Variants in PDSS2 observed in about 807,000 individuals in gnomAD.
PDSS2 encodes all trans-polyprenyl-diphosphate synthase PDSS2.
Under a neutral mutation model 44.5 loss-of-function variants are expected in PDSS2, and 31 were observed. That is an observed-to-expected ratio of 0.70 (90% confidence interval 0.52 to 0.94). PDSS2 has a LOEUF of 0.94. Among genes scored for constraint, PDSS2 ranks in the 40% least tolerant of loss-of-function variants. PDSS2 has a pLI of 0.00. For missense variants in PDSS2, 452 were observed against 482.2 expected (o/e 0.94, Z 0.59); for synonymous variants, 157 against 180.3 (o/e 0.87, Z 1.03).
intron 3 of PDSS2, among the ~76,000 whole-genome samples, chr6:107,249,175 G>A (rs919334354): frequency 1.2e-4 from 18 of 152,302 alleles, no homozygotes; most frequent in Middle Eastern, 3.4e-3. Context: ...CAGTAAATAC[G>A]TAGAGCATTT....
intron 7 of PDSS2, among the ~76,000 whole-genome samples, chr6:107,172,943 G>A (rs1582734871): frequency 6.6e-6 from 1 of 152,012 alleles, no homozygotes; most frequent in African/African-American, 2.4e-5. Flanking sequence ...GGCCAACATG[G>A]TGAAACCCCT....
chr6:107,170,618 C>A (rs1410578910), intron 7 of PDSS2, among the ~76,000 whole-genome samples: 24 of 108,506 alleles, frequency 2.2e-4, no homozygotes, highest in African/African-American at 7.4e-4. Flanking sequence ...CCCCCCCCCC[C>A]CACTTTTTTT....
chr6:107,225,165 T>TATATATA (rs1562389540), intron 4 of PDSS2, among the ~76,000 whole-genome samples: 6,136 of 39,428 alleles, frequency 0.16, 439 homozygotes, highest in South Asian at 0.31. Flanking sequence ...ATATATATTT[T>TATATATA]TTTTTTTTTT....
At chr6:107,272,618 A>C (rs1238428765) in intron 3 of PDSS2, among the ~76,000 whole-genome samples, 2 of 152,226 alleles carry the variant, frequency 1.3e-5, no homozygotes, top group African/African-American at 4.8e-5. Context: ...AATCAAACCT[A>C]ATCCTAACTG....
Position 107,225,135 on chromosome 6 carries a change from TTTTA to T in PDSS2, c.703-12857_703-12854del, listed in dbSNP as rs749399962. Among the ~76,000 whole-genome samples the T allele has an allele frequency of 4.0e-3, 145 of 36,462 alleles. 18 individuals are homozygous for T. The East Asian group carries it at 0.041, about 10-fold the overall frequency. The allele number at this position is 36,462 out of a possible 152,430, so 23.9% of individuals were successfully genotyped here. The stretch of plus-strand genomic sequence containing the variant: ...GAAGGAAGCTTCACTATATATATAT[TTTTA>T]TATATATATATATATATATATATTT... On this transcript the variant is annotated intron_variant, in intron 4 of 7. Transcript: ENST00000369037.
intron 2 of PDSS2, among the ~76,000 whole-genome samples, chr6:107,274,890 C>T (rs1775727840): frequency 6.6e-6 from 1 of 152,082 alleles, no homozygotes; most frequent in South Asian, 2.1e-4. Flanking sequence ...CCAGGCTGGT[C>T]TTGAACTCCT....
intron 1 of PDSS2, among the ~76,000 whole-genome samples, chr6:107,424,678 AGAG>A (rs1021343116): frequency 7.2e-5 from 11 of 152,230 alleles, no homozygotes; most frequent in African/African-American, 2.7e-4. Flanking sequence ...AAATGTGAAA[AGAG>A]AATAAAATGA....
intron 2 of PDSS2, among the ~76,000 whole-genome samples, chr6:107,308,035 T>G (rs1449506324): frequency 6.6e-6 from 1 of 152,152 alleles, no homozygotes. Flanking sequence ...ACCAAATGGT[T>G]CACAAACCAA....
intron 2 of PDSS2, among the ~76,000 whole-genome samples, chr6:107,317,135 A>G (rs1364377346): frequency 6.6e-6 from 1 of 152,106 alleles, no homozygotes; most frequent in African/African-American, 2.4e-5. Context: ...AGTATGGCCA[A>G]CCTCTCCTCC....
At chr6:107,395,802 T>C (rs1779922659) in intron 1 of PDSS2, among the ~76,000 whole-genome samples, 1 of 152,226 alleles carries the variant, frequency 6.6e-6, no homozygotes, top group Non-Finnish European at 1.5e-5. Flanking sequence ...TTGACATGTC[T>C]AGTAATTTTT....
intron 1 of PDSS2, among the ~76,000 whole-genome samples, chr6:107,347,152 A>C (rs1461340943): frequency 1.3e-5 from 2 of 152,026 alleles, no homozygotes; most frequent in Non-Finnish European, 2.9e-5. Flanking sequence ...GAGGACCTGC[A>C]TGGGCCCAGC....
At chr6:107,303,517 C>T (rs1195022125) in intron 2 of PDSS2, among the ~76,000 whole-genome samples, 1 of 152,132 alleles carries the variant, frequency 6.6e-6, no homozygotes, top group Non-Finnish European at 1.5e-5. Flanking sequence ...ATAGCAAATG[C>T]TATGCATTTA....
chr6:107,189,023 C>T (rs1772276285), intron 7 of PDSS2, among the ~76,000 whole-genome samples: 1 of 152,158 alleles, frequency 6.6e-6, no homozygotes, highest in Non-Finnish European at 1.5e-5. Context: ...TGATCCTCTA[C>T]CTCAGGCTCC....
intron 1 of PDSS2, among the ~76,000 whole-genome samples, chr6:107,409,541 C>T (rs534686887): frequency 6.6e-6 from 1 of 152,280 alleles, no homozygotes; most frequent in South Asian, 2.1e-4. Context: ...AGACTAGCTA[C>T]TTCTCTCCAA....
intron 1 of PDSS2, among the ~76,000 whole-genome samples, chr6:107,334,989 A>G (rs1777838679): frequency 6.6e-6 from 1 of 151,776 alleles, no homozygotes; most frequent in Admixed American, 6.6e-5. Flanking sequence ...CCGTCCTTAC[A>G]AAAAATAGAA....
At chr6:107,407,913 C>A (rs1780372829) in intron 1 of PDSS2, among the ~76,000 whole-genome samples, 1 of 152,110 alleles carries the variant, frequency 6.6e-6, no homozygotes, top group African/African-American at 2.4e-5. Flanking sequence ...GTTGGCCAGG[C>A]TGATTTCGAG....
intron 6 of PDSS2, 61 bp from the exon 7 acceptor site, chr6:107,193,915 T>C: frequency 9.2e-7 from 1 of 1,089,414 alleles, no homozygotes; most frequent in Non-Finnish European, 1.4e-6. Context: ...GCTTCTATAA[T>C]TTTTGCTTCT....
At chr6:107,284,483 A>G (rs757564418) in intron 2 of PDSS2, among the ~76,000 whole-genome samples, 41 of 152,026 alleles carry the variant, frequency 2.7e-4, no homozygotes, top group Non-Finnish European at 7.4e-5. Flanking sequence ...AAACATGGTG[A>G]AACCCCGTCT....
intron 1 of PDSS2, 59 bp downstream of exon 1, chr6:107,458,931 G>A: frequency 1.3e-6 from 2 of 1,519,620 alleles, no homozygotes; most frequent in Non-Finnish European, 1.8e-6. Flanking sequence ...GCGTATGCCC[G>A]CCAGAAAAAA....
Sources: allele counts gnomAD v4.1 joint callset (sites outside exome capture counted in the v4.1 genomes callset), GRCh38; gene constraint gnomAD v4.1.1; transcripts MANE v1.5; gene names NCBI Gene and HGNC (gene_info 2026-07-23, HGNC 2026-07-21).